Variants in HMCN1 observed in about 807,000 individuals in gnomAD.
HMCN1 encodes the protein hemicentin 1.
Under a neutral mutation model 625.9 loss-of-function variants are expected in HMCN1, and 321 were observed. That is an observed-to-expected ratio of 0.51 (90% CI 0.47 to 0.56). The LOEUF (loss-of-function observed/expected upper bound fraction) is 0.56, where lower values mean the gene tolerates loss of function less well. HMCN1 is among the 20% of genes least tolerant of loss of function. The probability of loss-of-function intolerance (pLI) is 0.00; values close to 1 mark genes in which losing one functional copy is unlikely to be tolerated. For synonymous variants in HMCN1, 2,425 were observed against 2,417.6 expected, an observed-to-expected ratio of 1.00 and a Z score of -0.09; for missense variants, 6,588 against 6,887.3, an observed-to-expected ratio of 0.96 and a Z score of 1.54.
chr1:185,825,795 G>A (rs1164529005), intron 1 of HMCN1, among the ~76,000 whole-genome samples: 2 of 152,114 alleles, frequency 1.3e-5, no homozygotes, highest in East Asian at 3.9e-4. Flanking sequence ...TTACAGCTTA[G>A]GAAATCCAGT....
chr1:186,078,858 G>A (rs1440297863), intron 55 of HMCN1, among the ~76,000 whole-genome samples: 1 of 152,152 alleles, frequency 6.6e-6, no homozygotes, highest in African/African-American at 2.4e-5. Flanking sequence ...GAGAGTTGAA[G>A]AAGTATTTTT....
At chr1:185,882,530 GA>G (rs919109203) in intron 4 of HMCN1, among the ~76,000 whole-genome samples, 1 of 151,692 alleles carries the variant, frequency 6.6e-6, no homozygotes, top group Non-Finnish European at 1.5e-5. Context: ...AAAAAAGTTT[GA>G]AAAACATTGA....
chr1:185,799,586 T>C (rs530695246), intron 1 of HMCN1, among the ~76,000 whole-genome samples: 1 of 152,196 alleles, frequency 6.6e-6, no homozygotes, highest in African/African-American at 2.4e-5. Context: ...TGTGGTAGCT[T>C]TCTAGCTTTC....
Position 186,000,038 on chromosome 1 carries a change from T to C in HMCN1, c.3875-7T>C. 6.3e-7 allele frequency: 1 copy of C among 1,592,172 alleles called. No individual in the cohort carries two copies. Among genetic ancestry groups the C allele is most frequent in the Admixed American group, 1.7e-5 (1 of 59,328 alleles). ...AAAATATCACAAGACTTTAATTTCT[T>C]ATTTAGGTACCCCTAAACCAACCAT... is the stretch of plus-strand genomic sequence containing the variant. On this transcript the variant is annotated splice_polypyrimidine_tract_variant and splice_region_variant and intron_variant, in intron 25 of 106. Transcript: ENST00000271588.
rs183081301 is a variant in HMCN1 at position 186,062,963 on chromosome 1, C to T, written c.7513+363C>T. On this transcript the variant is annotated intron_variant, in intron 48 of 106. Transcript: ENST00000271588. ...GAGTTATTTCACTTAAGATAAAGGC[C>T]TCCGGTTCCATTCATATTGCTGCAA... Among the ~76,000 whole-genome samples the T allele has an allele frequency of 3.8e-4, 57 of 149,382 alleles. No individual in the cohort carries two copies. In the East Asian group the frequency reaches 0.011, roughly 28 times the overall value.
intron 1 of HMCN1, among the ~76,000 whole-genome samples, chr1:185,754,156 T>C (rs1182588204): frequency 1.4e-4 from 21 of 152,070 alleles, no homozygotes; most frequent in Admixed American, 1.4e-3. Flanking sequence ...CTAAGTGAAA[T>C]AAGGCACAGA....
chr1:186,003,724 C>T lies in HMCN1; in HGVS notation c.4355C>T (p.Pro1452Leu). Residue 1452 changes from proline (P) to leucine (L), a missense_variant, in exon 29 of 107, where the codon CCC becomes CTC. Physicochemically the swap from Pro to Leu is moderately conservative, Grantham distance 98. Transcript: ENST00000271588. ...TACACTGTCTTTGTTCAAGTTCCACCCACCATAATAGGTACCAACTTCCCA... is the reference window on the plus strand; with the variant it reads ...TACACTGTCTTTGTTCAAGTTCCACTCACCATAATAGGTACCAACTTCCCA... Reference protein sequence around the residue: ...KYFNIDVLVPPTIIGTNFPNE... With the variant: ...KYFNIDVLVPLTIIGTNFPNE... 1 of 1,613,150 alleles carries T rather than the reference C, an allele frequency of 6.2e-7. No individual in the cohort carries two copies. Among genetic ancestry groups the T allele is most frequent in the Non-Finnish European group, 8.5e-7 (1 of 1,179,368 alleles).
intron 11 of HMCN1, among the ~76,000 whole-genome samples, chr1:185,950,162 T>C (rs1212012809): frequency 2.0e-5 from 3 of 151,200 alleles, no homozygotes; most frequent in African/African-American, 7.4e-5. Context: ...TCGGGAATAA[T>C]GTGGGAGGCC....
intron 11 of HMCN1, among the ~76,000 whole-genome samples, chr1:185,954,715 C>T (rs1228889095): frequency 6.6e-6 from 1 of 152,128 alleles, no homozygotes; most frequent in Non-Finnish European, 1.5e-5. Flanking sequence ...AATGAAAGAG[C>T]CCTAGACTGG....
chr1:185,744,559 T>C (rs1273972196), intron 1 of HMCN1, among the ~76,000 whole-genome samples: 1 of 152,214 alleles, frequency 6.6e-6, no homozygotes, highest in African/African-American at 2.4e-5. Context: ...TCAGGGACTG[T>C]GCTAGGTGCT....
At chr1:185,834,563 G>C (rs538184405) in intron 1 of HMCN1, among the ~76,000 whole-genome samples, 1 of 152,308 alleles carries the variant, frequency 6.6e-6, no homozygotes, top group African/African-American at 2.4e-5. Context: ...GAGCAAGAGA[G>C]GGTATGCAAG....
chr1:186,093,608 A>G lies in HMCN1; in HGVS notation c.10135A>G (p.Asn3379Asp), dbSNP rs755329135. The change falls in exon 66 of 107, where the codon AAT (asparagine) becomes GAT (aspartate). Residue 3379 changes from asparagine (N) to aspartate (D), a missense_variant. Around this residue, in one of 3 missense-constraint regions of HMCN1, gnomAD observed 4,628 missense variants for 4,853.1 expected, o/e 0.95. Coordinates refer to ENST00000271588, the MANE Select transcript of HMCN1 (RefSeq NM_031935.3). ...TCCACCACAGATAAACTGGCTGAAG[A>G]ATGGACTTCCTCTGCCTCTCTCCTC... Reference protein sequence around the residue: ...TPPPQINWLKNGLPLPLSSHI... With the variant: ...TPPPQINWLKDGLPLPLSSHI... The G allele has an allele frequency of 6.2e-7, 1 of 1,613,462 alleles. No homozygotes were observed. The highest frequency in any genetic ancestry group is 8.5e-7 in the Non-Finnish European group (1 of 1,179,654).
chr1:186,071,974 G>A (rs1042617615), intron 52 of HMCN1, among the ~76,000 whole-genome samples: 1 of 152,098 alleles, frequency 6.6e-6, no homozygotes, highest in African/African-American at 2.4e-5. Context: ...AAGACTAAAA[G>A]TGCACAGGAA....
intron 50 of HMCN1, among the ~76,000 whole-genome samples, chr1:186,068,637 G>A (rs2064789): frequency 0.62 from 94,751 of 151,866 alleles, 31,404 homozygotes; most frequent in African/African-American, 0.87. Context: ...GGAGGCTGAG[G>A]CGGGCAGATC....
chr1:186,104,569 C>T (rs1282173640), intron 69 of HMCN1, among the ~76,000 whole-genome samples: 1 of 152,150 alleles, frequency 6.6e-6, no homozygotes, highest in Non-Finnish European at 1.5e-5. Flanking sequence ...CATCTCTGTG[C>T]TATCTATCCC....
At position 186,130,110 on chromosome 1, in the gene HMCN1, A is replaced by G; in HGVS notation, c.13039+10A>G. ...TTTGTTTATGTGAAAGGTAGGGAAAAGCGCTCCATTTTTAATTTATAATGC... is the reference window on the plus strand; with the variant it reads ...TTTGTTTATGTGAAAGGTAGGGAAAGGCGCTCCATTTTTAATTTATAATGC... On this transcript the variant is annotated intron_variant, in intron 84 of 106. Transcript: ENST00000271588. 2 of 1,612,890 alleles carry G rather than the reference A, an allele frequency of 1.2e-6. No homozygotes were observed. Among genetic ancestry groups the G allele is most frequent in the Admixed American group, 1.7e-5 (1 of 59,918 alleles).
chr1:186,174,971 T>C (rs1652470972), intron 103 of HMCN1, among the ~76,000 whole-genome samples: 1 of 152,220 alleles, frequency 6.6e-6, no homozygotes, highest in African/African-American at 2.4e-5. Context: ...GCACATGACA[T>C]AAATGTTTGC....
intron 1 of HMCN1, among the ~76,000 whole-genome samples, chr1:185,766,269 GC>G (rs1655862725): frequency 6.6e-6 from 1 of 152,046 alleles, no homozygotes; most frequent in Admixed American, 6.6e-5. Flanking sequence ...ACAAGGAATT[GC>G]CTGGCCAAAA....
At chr1:185,845,034 A>AT (rs1451291791) in intron 1 of HMCN1, among the ~76,000 whole-genome samples, 5 of 152,088 alleles carry the variant, frequency 3.3e-5, no homozygotes, top group African/African-American at 1.2e-4. Flanking sequence ...GGAAGAAGTG[A>AT]TTTTGTGTAG....
Sources: gnomAD v4.1 joint callset for allele counts (sites outside exome capture counted in the v4.1 genomes callset) on GRCh38, gnomAD v4.1.1 for gene constraint, gnomAD v4.1.1 regional missense constraint, MANE v1.5 for transcripts, NCBI Gene and HGNC (gene_info 2026-07-23, HGNC 2026-07-21) for gene names.